AGBL2: variants seen among roughly 807,000 people sequenced by gnomAD.
The protein encoded by AGBL2 is AGBL carboxypeptidase 2.
AGBL2 carries 87 observed loss-of-function variants against 103.0 expected under a neutral mutation model. The ratio of observed to expected loss-of-function variants is 0.84; its 90% CI spans 0.71 to 1.01. The LOEUF (loss-of-function observed/expected upper bound fraction) is 1.01. AGBL2 is among the 50% of genes least tolerant of loss of function. AGBL2 has a pLI of 0.00. For missense variants in AGBL2, 904 were observed against 1,023.5 expected (o/e 0.88, Z 1.59); for synonymous variants, 335 against 356.7 (o/e 0.94, Z 0.69).
At chr11:47,675,965 C>G (rs1335814325) in intron 14 of AGBL2, among the ~76,000 whole-genome samples, 3 of 151,896 alleles carry the variant, frequency 2.0e-5, no homozygotes, top group African/African-American at 7.3e-5. Flanking sequence ...GAGATCATAC[C>G]ACTGCACTCC....
intron 14 of AGBL2, among the ~76,000 whole-genome samples, chr11:47,671,627 C>T (rs1007799165): frequency 2.0e-5 from 3 of 152,146 alleles, no homozygotes; most frequent in African/African-American, 7.2e-5. Context: ...GCTGCCCAGG[C>T]CTTCATTCTG....
chr11:47,678,330 A>ATTATTTTTTTTT (rs1565026506), intron 13 of AGBL2, among the ~76,000 whole-genome samples: 2 of 114,504 alleles, frequency 1.7e-5, no homozygotes, highest in African/African-American at 2.7e-5. Flanking sequence ...ATTTTATTTT[A>ATTATTTTTTTTT]TTTTATTATT....
chr11:47,714,563 G>A, intron 2 of AGBL2, 55 bp downstream of exon 2: 2 of 1,584,564 alleles, frequency 1.3e-6, no homozygotes, highest in Non-Finnish European at 1.7e-6. Context: ...TGGAGTTCCC[G>A]AAGAAATGGA....
At chr11:47,711,826 C>T (rs1196204060) in intron 3 of AGBL2, among the ~76,000 whole-genome samples, 1 of 152,186 alleles carries the variant, frequency 6.6e-6, no homozygotes, top group South Asian at 2.1e-4. Context: ...TGAGCCACCA[C>T]GCCCGGCCTG....
At chr11:47,703,122 T>G (rs1416540706) in intron 7 of AGBL2, among the ~76,000 whole-genome samples, 1 of 151,998 alleles carries the variant, frequency 6.6e-6, no homozygotes, top group African/African-American at 2.4e-5. Context: ...ACTCAAAATA[T>G]AAAATTAAAT....
In AGBL2 at chr11:47,710,380, G is replaced by A; in HGVS notation, c.229C>T (p.Leu77=). 2 of 1,613,998 alleles carry A rather than the reference G, an allele frequency of 1.2e-6. No homozygotes were observed. The highest frequency in any genetic ancestry group is 1.7e-6 in the Non-Finnish European group (2 of 1,179,922). ...IPDTLQKEKL[L]WPISLSSAVH... is the part of the protein sequence containing the mutation. ...ACACATACTGATTGTTACTCACATA[G>A]AAGCTTCTCCTTTTGCAGGGTGTCT... Residue 77 remains leucine (L), a synonymous_variant, in exon 4 of 19, where the codon CTA becomes TTA. Coordinates refer to ENST00000525123, the MANE Select transcript of AGBL2 (RefSeq NM_024783.4).
At chr11:47,667,790 G>T (rs144424138) in intron 15 of AGBL2, 94 bp from the exon 16 acceptor site, 1 of 1,385,792 alleles carries the variant, frequency 7.2e-7, no homozygotes, top group South Asian at 1.3e-5. Flanking sequence ...AGACACAAAG[G>T]CTAACTCGGT....
At chr11:47,705,967 T>G (rs760494132) in intron 4 of AGBL2, 50 bp from the exon 5 acceptor site, 1 of 1,495,670 alleles carries the variant, frequency 6.7e-7, no homozygotes, top group South Asian at 1.1e-5. Flanking sequence ...CGTTGTCTTC[T>G]TTTCTTCTGT....
chr11:47,672,836 C>T (rs1180832093), intron 14 of AGBL2, among the ~76,000 whole-genome samples: 1 of 152,148 alleles, frequency 6.6e-6, no homozygotes, highest in Non-Finnish European at 1.5e-5. Flanking sequence ...AGAGCCATCC[C>T]TTTTCCACTG....
rs150337025 is a variant in AGBL2, at chr11:47,682,256, C to A, written c.1789-161G>T. ...TTTGGAGGGATGTTAACAGGTATTA[C>A]AGGGGAAAAAGGAGTTCTGTGGTCA... On this transcript the variant is annotated intron_variant, in intron 11 of 18. Coordinates refer to ENST00000525123, the MANE Select transcript of AGBL2 (RefSeq NM_024783.4). Among the ~76,000 whole-genome samples the A allele has an allele frequency of 3.7e-3, 556 of 152,150 alleles. 5 individuals carry two copies. The highest frequency in any genetic ancestry group is 0.013 in the African/African-American group (534 of 41,514).
intron 15 of AGBL2, among the ~76,000 whole-genome samples, chr11:47,668,148 G>T (rs1308200412): frequency 7.3e-6 from 1 of 136,146 alleles, no homozygotes; most frequent in African/African-American, 2.7e-5. Context: ...GGTGGAGGTT[G>T]CAGTAAGCTG....
chr11:47,684,181 G>A (rs568671035), intron 11 of AGBL2, among the ~76,000 whole-genome samples: 1 of 151,280 alleles, frequency 6.6e-6, no homozygotes, highest in South Asian at 2.1e-4. Flanking sequence ...GCTGAGGCAG[G>A]AGAATTGCTT....
chr11:47,714,296 C>T lies in AGBL2; in HGVS notation c.85G>A (p.Gly29Ser), dbSNP rs1294029166. The change falls in exon 3 of 19, where the codon GGC becomes AGC. Residue 29 changes from glycine (G) to serine (S), a missense_variant. By Grantham distance (56) the Gly-to-Ser change is moderately conservative. Transcript: ENST00000525123. ...AACATGGTATTACCTTTAAAGTAGCCATAATATTGGAGGTGACGGTACATA... is the reference window on the plus strand; with the variant it reads ...AACATGGTATTACCTTTAAAGTAGCTATAATATTGGAGGTGACGGTACATA... Reference protein sequence around the residue: ...DFMYRHLQYYGYFKAQRGSLP... With the variant: ...DFMYRHLQYYSYFKAQRGSLP... 6.2e-7 allele frequency: 1 copy of T among 1,611,748 alleles called. No individual in the cohort carries two copies.
chr11:47,696,916 CTTTTTTA>C (rs1441927381), intron 8 of AGBL2, among the ~76,000 whole-genome samples: 5 of 151,920 alleles, frequency 3.3e-5, no homozygotes, highest in African/African-American at 9.6e-5. Flanking sequence ...CAATGCTTTC[CTTTTTTA>C]TTTTTTATTT....
At position 47,705,896 on chromosome 11, in the gene AGBL2, G is replaced by A; in HGVS notation, c.254C>T (p.Ala85Val). The A allele has an allele frequency of 6.2e-7, 1 of 1,614,096 alleles. No homozygotes were observed. The highest frequency in any genetic ancestry group is 1.7e-5 in the Admixed American group (1 of 60,004). ...GATGGCTTCTATCTGTCTGTGCACAGCTGAAGATAAACTGATAGGCCCTAG... is the reference window on the plus strand; with the variant it reads ...GATGGCTTCTATCTGTCTGTGCACAACTGAAGATAAACTGATAGGCCCTAG... ...KLLWPISLSS[A>V]VHRQIEAINR... The change falls in exon 5 of 19, where the codon GCT (alanine) becomes GTT (valine). Residue 85 changes from alanine (A) to valine (V), a missense_variant. Transcript: ENST00000525123.
intron 7 of AGBL2, among the ~76,000 whole-genome samples, chr11:47,702,467 C>T (rs749404583): frequency 6.6e-6 from 1 of 152,124 alleles, no homozygotes; most frequent in Non-Finnish European, 1.5e-5. Flanking sequence ...AGTTCATGAA[C>T]TCTGGGTCCA....
At chr11:47,713,616 T>C (rs1280603759) in intron 3 of AGBL2, among the ~76,000 whole-genome samples, 1 of 150,824 alleles carries the variant, frequency 6.6e-6, no homozygotes, top group East Asian at 2.0e-4. Flanking sequence ...TGAGACAGAG[T>C]CTCACTCTGT....
intron 17 of AGBL2, among the ~76,000 whole-genome samples, chr11:47,663,803 G>A (rs530287812): frequency 2.0e-3 from 307 of 150,884 alleles, no homozygotes; most frequent in Middle Eastern, 0.014. Context: ...TGATCCGCCC[G>A]CCTCGGCCTC....
intron 4 of AGBL2, among the ~76,000 whole-genome samples, chr11:47,707,070 G>A (rs1295393363): frequency 1.3e-5 from 2 of 149,884 alleles, no homozygotes; most frequent in Non-Finnish European, 3.0e-5. Context: ...ATGGTGGCAC[G>A]TGCCTGTAAT....
Sources: gnomAD v4.1 joint callset for allele counts (sites outside exome capture counted in the v4.1 genomes callset) on GRCh38, gnomAD v4.1.1 for gene constraint, MANE v1.5 for transcripts, NCBI Gene and HGNC (gene_info 2026-07-23, HGNC 2026-07-21) for gene names.